The following CPXM2 variants were observed in gnomAD, a reference collection of about 807,000 sequenced individuals.
The protein encoded by CPXM2 is inactive carboxypeptidase-like protein X2.
In CPXM2, 66 loss-of-function variants were observed where a neutral mutation model predicts 86.1. The observed-to-expected ratio is 0.77, with a 90% confidence interval of 0.63 to 0.94. The LOEUF (loss-of-function observed/expected upper bound fraction) is 0.94. CPXM2 is among the 40% of genes least tolerant of loss of function. The pLI, the probability that CPXM2 is intolerant of heterozygous loss-of-function variation, is 0.00. For missense variants in CPXM2, 948 were observed against 1,026.3 expected (o/e 0.92, Z 1.04); for synonymous variants, 388 against 400.2 (o/e 0.97, Z 0.36).
intron 8 of CPXM2, among the ~76,000 whole-genome samples, chr10:123,770,292 A>T (rs1171830594): frequency 6.6e-6 from 1 of 152,100 alleles, no homozygotes; most frequent in Non-Finnish European, 1.5e-5. Flanking sequence ...AAACAAACAA[A>T]CAAACAAAAC....
rs925077763 is a variant in CPXM2, at chr10:123,846,980, G to A, written c.514-4492C>T. On this transcript the variant is annotated intron_variant, in intron 3 of 13. Coordinates refer to ENST00000241305, the MANE Select transcript of CPXM2 (RefSeq NM_198148.3). ...AAAGGTTGTTAAGAAATGATATGAA[G>A]TAAATATTTCCTGACTCAAAATTAA... is the stretch of plus-strand genomic sequence containing the variant. Among the ~76,000 whole-genome samples, 10 of 152,138 alleles carry A rather than the reference G, an allele frequency of 6.6e-5. No individual in the cohort carries two copies. The South Asian group carries it at 1.9e-3, about 28-fold the overall frequency.
At chr10:123,791,033 GAGGAC>G (rs999261015) in intron 6 of CPXM2, among the ~76,000 whole-genome samples, 2 of 152,166 alleles carry the variant, frequency 1.3e-5, no homozygotes, top group Admixed American at 6.5e-5. Flanking sequence ...CATCAGGGGT[GAGGAC>G]AGTCACGAGT....
At chr10:123,862,477 T>C (rs1465299989) in intron 3 of CPXM2, 137 bp downstream of exon 3, 3 of 755,530 alleles carry the variant, frequency 4.0e-6, no homozygotes, top group Non-Finnish European at 4.5e-6. Context: ...AAAATTAGGA[T>C]CATTCAGCAA....
chr10:123,922,833 G>A (rs1945588448), intron 2 of CPXM2, among the ~76,000 whole-genome samples: 1 of 152,214 alleles, frequency 6.6e-6, no homozygotes. Context: ...AGGTCAGAAT[G>A]ATCATTGGTT....
chr10:123,800,254 A>T (rs1847428705), intron 4 of CPXM2, among the ~76,000 whole-genome samples: 1 of 152,014 alleles, frequency 6.6e-6, no homozygotes, highest in Admixed American at 6.6e-5. Flanking sequence ...AGGTGATTTT[A>T]TACATGCTTG....
intron 7 of CPXM2, among the ~76,000 whole-genome samples, chr10:123,773,498 T>C (rs1169970188): frequency 3.3e-5 from 5 of 152,246 alleles, no homozygotes; most frequent in African/African-American, 9.6e-5. Flanking sequence ...ACACTGCAGA[T>C]CATTGAGGAG....
At chr10:123,771,296 C>G (rs532589400) in intron 7 of CPXM2, among the ~76,000 whole-genome samples, 1 of 152,296 alleles carries the variant, frequency 6.6e-6, no homozygotes, top group East Asian at 1.9e-4. Flanking sequence ...ATTGCCCCCA[C>G]CCGGTCCTGT....
At chr10:123,936,887 T>G (rs1003241893) in intron 2 of CPXM2, among the ~76,000 whole-genome samples, 4 of 152,124 alleles carry the variant, frequency 2.6e-5, no homozygotes. Context: ...TTTTTCTCCA[T>G]CATTCAGGAT....
At chr10:123,852,036 G>C (rs1848610853) in intron 3 of CPXM2, among the ~76,000 whole-genome samples, 1 of 152,098 alleles carries the variant, frequency 6.6e-6, no homozygotes, top group African/African-American at 2.4e-5. Context: ...GGCAAGGAGG[G>C]ACCCTTTCTT....
intron 1 of CPXM2, among the ~76,000 whole-genome samples, chr10:123,890,408 G>A (rs1046087906): frequency 6.6e-6 from 1 of 152,226 alleles, no homozygotes; most frequent in Non-Finnish European, 1.5e-5. Flanking sequence ...TGCCCTGGCT[G>A]CTGACTTTCG....
At chr10:123,845,399 C>A (rs1000593868) in intron 3 of CPXM2, among the ~76,000 whole-genome samples, 2 of 151,842 alleles carry the variant, frequency 1.3e-5, no homozygotes, top group African/African-American at 4.8e-5. Flanking sequence ...CTAGAAAGGT[C>A]TTGATTTCAT....
At chr10:123,871,871 A>T (rs2134214329) in intron 2 of CPXM2, among the ~76,000 whole-genome samples, 1 of 152,176 alleles carries the variant, frequency 6.6e-6, no homozygotes, top group African/African-American at 2.4e-5. Flanking sequence ...ACAAACAAAA[A>T]CCCTCCTATA....
chr10:123,865,911 C>T lies in CPXM2; in HGVS notation c.404-3188G>A, dbSNP rs968842492. 1.3e-5 allele frequency among the ~76,000 whole-genome samples: 2 copies of T among 152,080 alleles called. No homozygotes were observed. The highest frequency in any genetic ancestry group is 4.8e-5 in the African/African-American group (2 of 41,422). ...CATTCATTCACAGTGGCCCTGGTCA[C>T]TTTGTGGCCCTTTGGGACTCCTCAG... On this transcript the variant is annotated intron_variant, in intron 2 of 13. Coordinates refer to ENST00000241305, the MANE Select transcript of CPXM2 (RefSeq NM_198148.3). This position sits in a 1 kb window ranked among gnomAD's most constrained non-coding sequence, Gnocchi z 4.7.
rs549222870 is a variant in CPXM2 at position 123,838,547 on chromosome 10, T to C, written c.653+3802A>G. Among the ~76,000 whole-genome samples, 7 of 152,328 alleles carry C rather than the reference T, an allele frequency of 4.6e-5. No homozygotes were observed. In the South Asian group the frequency reaches 1.4e-3, roughly 32 times the overall value. On this transcript the variant is annotated intron_variant, in intron 4 of 13. Transcript: ENST00000241305. ...ATTATAACTCCAACTGCTAATCAAG[T>C]GTTTCTGTATTTCGATAGCCAGCTA...
At chr10:123,930,888 G>A (rs1945661675) in intron 2 of CPXM2, among the ~76,000 whole-genome samples, 2 of 152,188 alleles carry the variant, frequency 1.3e-5, no homozygotes, top group African/African-American at 4.8e-5. Flanking sequence ...GGTCTCCAGA[G>A]CTTGGCAAGG....
At chr10:123,835,106 T>C (rs1045826727) in intron 4 of CPXM2, among the ~76,000 whole-genome samples, 1 of 152,104 alleles carries the variant, frequency 6.6e-6, no homozygotes, top group Non-Finnish European at 1.5e-5. Flanking sequence ...GCAACACCAA[T>C]GGACTAAGAC....
At chr10:123,803,940 C>T (rs1423573844) in intron 4 of CPXM2, among the ~76,000 whole-genome samples, 1 of 152,098 alleles carries the variant, frequency 6.6e-6, no homozygotes, top group Non-Finnish European at 1.5e-5. Context: ...GATTTACAGG[C>T]ATGAATCACT....
At chr10:123,909,140 G>A (rs945355614) in intron 2 of CPXM2, among the ~76,000 whole-genome samples, 4 of 152,106 alleles carry the variant, frequency 2.6e-5, no homozygotes, top group African/African-American at 4.8e-5. Context: ...CAGGCATAGC[G>A]GATCCCACAC....
intron 13 of CPXM2, chr10:123,752,395 G>A: frequency 1.0e-6 from 1 of 984,744 alleles, no homozygotes; most frequent in Non-Finnish European, 1.2e-6. Flanking sequence ...AAAGAAATCA[G>A]TAACTAGATG....
Sources: gnomAD v4.1 joint callset for allele counts (sites outside exome capture counted in the v4.1 genomes callset) on GRCh38, gnomAD v4.1.1 for gene constraint, Gnocchi (gnomAD v3.1) non-coding constraint, MANE v1.5 for transcripts, NCBI Gene and HGNC (gene_info 2026-07-23, HGNC 2026-07-21) for gene names.